Variants in GALNT6 observed in about 807,000 individuals in gnomAD.
The protein encoded by GALNT6 is GalNAc transferase 6.
A neutral mutation model predicts 65.9 loss-of-function variants in GALNT6; 51 were observed. The ratio of observed to expected loss-of-function variants is 0.77; its 90% CI spans 0.62 to 0.98. GALNT6 has a LOEUF of 0.98. Ranked by LOEUF, GALNT6 falls within the 50% of genes least tolerant of loss-of-function variation. The pLI is 0.00. For missense variants in GALNT6, 708 were observed against 803.3 expected (o/e 0.88, Z 1.43); for synonymous variants, 323 against 315.1 (o/e 1.02, Z -0.26).
intron 2 of GALNT6, among the ~76,000 whole-genome samples, chr12:51,384,876 C>A (rs895470764): frequency 2.6e-5 from 4 of 151,938 alleles, no homozygotes; most frequent in Non-Finnish European, 4.4e-5. Context: ...TAGAGCGAGA[C>A]CCTGTCTCAA....
At position 51,354,446 on chromosome 12, in the gene GALNT6, T is replaced by C. The variant is rs934960585; in HGVS notation, c.1802A>G (p.Gln601Arg). ...GGGGGCCATGGCTGGCTTTTTGTCC[T>C]GGGATGTCAGGCAGGTACCAGATCC... The part of the protein sequence containing the change: ...NSGSGTCLTS[Q>R]DKKPAMAPCN... The change falls in exon 12 of 12, where the codon CAG (glutamine) becomes CGG (arginine). Residue 601 changes from glutamine to arginine, a missense_variant. Physicochemically the swap from Gln to Arg is conservative, Grantham distance 43. Transcript: ENST00000356317. 4 of 1,593,682 alleles carry C rather than the reference T, an allele frequency of 2.5e-6. No homozygotes were observed. The highest frequency in any genetic ancestry group is 3.4e-6 in the Non-Finnish European group (4 of 1,172,396).
chr12:51,389,766 T>C (rs1296543555), intron 2 of GALNT6, among the ~76,000 whole-genome samples: 2 of 152,234 alleles, frequency 1.3e-5, no homozygotes, highest in Non-Finnish European at 2.9e-5. Flanking sequence ...TCATATTTCC[T>C]GTCCCCACTT....
chr12:51,370,805 G>A (rs1947268148), intron 4 of GALNT6, among the ~76,000 whole-genome samples: 1 of 151,998 alleles, frequency 6.6e-6, no homozygotes, highest in African/African-American at 2.4e-5. Context: ...AGCACTTTGG[G>A]AGGCTGGGAG....
chr12:51,378,877 T>TCCCCC (rs1947550530), intron 3 of GALNT6, among the ~76,000 whole-genome samples: 3 of 126,304 alleles, frequency 2.4e-5, no homozygotes, highest in East Asian at 3.6e-4. Flanking sequence ...TGTTAAGAAA[T>TCCCCC]GCCCACCCCC....
intron 5 of GALNT6, 134 bp from the exon 6 acceptor site, chr12:51,364,489 C>T (rs1002743258): frequency 4.7e-6 from 3 of 638,466 alleles, no homozygotes; most frequent in Non-Finnish European, 8.2e-6. Context: ...AGCCCCACAG[C>T]TACAGGGAGC....
chr12:51,355,933 T>C lies in GALNT6; in HGVS notation c.1628A>G (p.Asp543Gly). ...CTGCTTTGCGATGTTGTGGCGAAGG[T>C]CCCTCTGAGTTGTGTACTCAAAGTA... ...NQYFEYTTQRDLRHNIAKQLC... is the reference protein window; with the variant it reads ...NQYFEYTTQRGLRHNIAKQLC... Residue 543 changes from aspartate (D) to glycine (G), a missense_variant, in exon 11 of 12, where the codon GAC (aspartate) becomes GGC (glycine). Physicochemically the swap from Asp to Gly is moderately conservative, Grantham distance 94. Transcript: ENST00000356317. 6.2e-7 allele frequency: 1 copy of C among 1,613,380 alleles called. No homozygotes were observed. The highest frequency in any genetic ancestry group is 8.5e-7 in the Non-Finnish European group (1 of 1,179,556).
At chr12:51,359,587 C>G (rs537262049) in intron 7 of GALNT6, 1 of 360,004 alleles carries the variant, frequency 2.8e-6, no homozygotes. Flanking sequence ...TTACCAGGGC[C>G]CACTTTAGGG....
In GALNT6 at chr12:51,357,315, G is replaced by C. The variant is rs548684996; in HGVS notation, c.1602+34C>G. ...GGTAGAGAAAAGGAGCCGGTGAGGA[G>C]AGGAGATGCTCCGGAGATGGGTGGG... On this transcript the variant is annotated intron_variant, in intron 10 of 11. Transcript: ENST00000356317. The C allele has an allele frequency of 5.2e-6, 7 of 1,341,590 alleles. No individual in the cohort carries two copies. The South Asian group carries it at 8.2e-5, about 16-fold the overall frequency. The allele number at this position is 1,341,590 out of a possible 1,614,324, so 83.1% of individuals were successfully genotyped here.
In GALNT6 at chr12:51,352,526, T is replaced by A. The variant is rs1232540075; in HGVS notation, c.*1853A>T. 2.0e-5 allele frequency: 3 copies of A among 152,196 alleles called. No homozygotes were observed. The highest frequency in any genetic ancestry group is 6.5e-5 in the Admixed American group (1 of 15,278). The allele number at this position is 152,196 out of a possible 1,614,324, so 9.4% of individuals were successfully genotyped here. ...CTCAATTTCACTCATGCTACTTTGTTTTTTTAATCTACCTTTTATATGGGG... is the reference window on the plus strand; with the variant it reads ...CTCAATTTCACTCATGCTACTTTGTATTTTTAATCTACCTTTTATATGGGG... On this transcript the variant is annotated 3_prime_UTR_variant, in exon 12 of 12. Transcript: ENST00000356317.
rs1946668873 is a variant in GALNT6 at position 51,353,667 on chromosome 12, GC to G, written c.*711del. The stretch of plus-strand genomic sequence containing the variant: ...TTACAGGTGTGAGCCACTGTGCCCA[GC>G]CAGAATATATCATTTCACTGGACTC... On this transcript the variant is annotated 3_prime_UTR_variant, in exon 12 of 12. Transcript: ENST00000356317. 1 of 152,508 alleles carries G rather than the reference GC, an allele frequency of 6.6e-6. No individual in the cohort carries two copies. The highest frequency in any genetic ancestry group is 1.9e-4 in the East Asian group (1 of 5,184). The allele number at this position is 152,508 out of a possible 1,614,324, so 9.4% of individuals were successfully genotyped here.
rs933286101 is a variant in GALNT6 at position 51,351,932 on chromosome 12, T to G, written c.*2447A>C. On this transcript the variant is annotated 3_prime_UTR_variant, in exon 12 of 12. Coordinates refer to ENST00000356317, the MANE Select transcript of GALNT6 (RefSeq NM_007210.4). ...GAGACCTCTCATCCAATTCTCTTCTTTCCGGGAACTTTTTCCCTTCCCTAC... is the reference window on the plus strand; with the variant it reads ...GAGACCTCTCATCCAATTCTCTTCTGTCCGGGAACTTTTTCCCTTCCCTAC... 3.3e-5 allele frequency: 5 copies of G among 152,160 alleles called. No homozygotes were observed. The highest frequency in any genetic ancestry group is 7.3e-5 in the Non-Finnish European group (5 of 68,030). The allele number at this position is 152,160 out of a possible 1,614,324, so 9.4% of individuals were successfully genotyped here.
intron 2 of GALNT6, among the ~76,000 whole-genome samples, chr12:51,385,548 A>T (rs1424887646): frequency 6.6e-6 from 1 of 152,196 alleles, no homozygotes; most frequent in Non-Finnish European, 1.5e-5. Flanking sequence ...GCTATAAAGT[A>T]TATTTCTCAC....
At chr12:51,378,214 G>A (rs1210611214) in intron 3 of GALNT6, among the ~76,000 whole-genome samples, 1 of 152,140 alleles carries the variant, frequency 6.6e-6, no homozygotes, top group East Asian at 1.9e-4. Context: ...GAGTGCAGTG[G>A]TATGATCTTA....
In GALNT6 at chr12:51,379,289, A is replaced by G; in HGVS notation, c.491+2T>C. The stretch of plus-strand genomic sequence containing the variant: ...CCCACAAGGACTCTGGGTGCTACTT[A>G]CTCAGGTGGTCGGGTGTCTGGCCCC... On this transcript the variant is annotated splice_donor_variant, in intron 3 of 11. Transcript: ENST00000356317. LOFTEE classifies it high-confidence loss of function. The G allele has an allele frequency of 6.6e-7, 1 of 1,520,970 alleles. No homozygotes were observed. Among genetic ancestry groups the G allele is most frequent in the Non-Finnish European group, 8.8e-7 (1 of 1,137,654 alleles). 94.2% of individuals were successfully genotyped at this position (1,520,970 alleles called of 1,614,324 possible). A position where few individuals can be genotyped will look rare whatever the true frequency, so the allele number is the denominator to read the frequency against.
chr12:51,358,764 C>T (rs940778504), intron 8 of GALNT6, among the ~76,000 whole-genome samples: 3 of 152,144 alleles, frequency 2.0e-5, no homozygotes, highest in South Asian at 2.1e-4. Context: ...CTTTGGAGTC[C>T]CCTGCTTATC....
rs1947480295 is a variant in GALNT6 at position 51,377,139 on chromosome 12, C to T, written c.664+56G>A. 2.6e-6 allele frequency: 4 copies of T among 1,516,844 alleles called. No homozygotes were observed. In the South Asian group the frequency reaches 3.4e-5, roughly 13 times the overall value. The allele number at this position is 1,516,844 out of a possible 1,614,324, so 94.0% of individuals were successfully genotyped here. A position where few individuals can be genotyped will look rare whatever the true frequency, so the allele number is the denominator to read the frequency against. On this transcript the variant is annotated intron_variant, in intron 4 of 11. Transcript: ENST00000356317. ...CTCCCTTGAAAGGAACTGCCCTCCT[C>T]CTTTGAGTGCCCAGGGGAGACCCCG... is the stretch of plus-strand genomic sequence containing the variant.
rs900519660 is a variant in GALNT6 at position 51,352,429 on chromosome 12, G to A, written c.*1950C>T. The A allele has an allele frequency of 1.3e-5, 2 of 152,194 alleles. No individual in the cohort carries two copies. The highest frequency in any genetic ancestry group is 6.5e-5 in the Admixed American group (1 of 15,274). The allele number at this position is 152,194 out of a possible 1,614,324, so 9.4% of individuals were successfully genotyped here. ...TCATAATATGAAAATGATAGGGTTG[G>A]GCTACGTGATTTTCACGTTGTGCTT... On this transcript the variant is annotated 3_prime_UTR_variant, in exon 12 of 12. Transcript: ENST00000356317.
At chr12:51,368,414 T>C (rs1177585390) in intron 4 of GALNT6, among the ~76,000 whole-genome samples, 3 of 150,268 alleles carry the variant, frequency 2.0e-5, no homozygotes, top group Admixed American at 2.0e-4. Flanking sequence ...TTTTTTCTTC[T>C]TTTTTTTGGA....
chr12:51,383,933 A>T (rs1947750454), intron 2 of GALNT6, among the ~76,000 whole-genome samples: 2 of 152,178 alleles, frequency 1.3e-5, no homozygotes, highest in South Asian at 4.2e-4. Context: ...TTGGAGAAAG[A>T]ATAGCTGCTA....
Sources: gnomAD v4.1 joint callset for allele counts (sites outside exome capture counted in the v4.1 genomes callset) on GRCh38, gnomAD v4.1.1 for gene constraint, MANE v1.5 for transcripts, NCBI Gene and HGNC (gene_info 2026-07-23, HGNC 2026-07-21) for gene names.